SRBD1: variants seen among roughly 807,000 people sequenced by gnomAD.
SRBD1 encodes S1 RNA-binding domain-containing protein 1.
SRBD1 carries 88 observed loss-of-function variants against 115.3 expected under a neutral mutation model. The observed-to-expected ratio is 0.76, with a 90% confidence interval of 0.64 to 0.91. The LOEUF is 0.91. Ranked by LOEUF, SRBD1 falls within the 40% of genes least tolerant of loss-of-function variation. The pLI is 0.00. For synonymous variants in SRBD1, 509 were observed against 407.7 expected (o/e 1.25, Z -2.99); for missense variants, 1,385 against 1,177.4 (o/e 1.18, Z -2.58).
intron 16 of SRBD1, among the ~76,000 whole-genome samples, chr2:45,432,403 A>T (rs2103678840): frequency 6.6e-6 from 1 of 152,378 alleles, no homozygotes; most frequent in South Asian, 2.1e-4. Flanking sequence ...TACTGTTTCC[A>T]TAATAATGTC....
chr2:45,491,519 A>G (rs1331605026), intron 14 of SRBD1, among the ~76,000 whole-genome samples: 1 of 152,068 alleles, frequency 6.6e-6, no homozygotes, highest in Non-Finnish European at 1.5e-5. Context: ...TCAAATTGCT[A>G]TAGTTTAGAC....
At chr2:45,547,725 T>A (rs1023104944) in intron 12 of SRBD1, 113 bp from the exon 13 acceptor site, 8 of 793,618 alleles carry the variant, frequency 1.0e-5, no homozygotes, top group Non-Finnish European at 1.4e-5. Flanking sequence ...TTTTTTATAA[T>A]GAAGTCTGAA....
At chr2:45,462,639 C>A (rs1220476825) in intron 16 of SRBD1, among the ~76,000 whole-genome samples, 1 of 151,442 alleles carries the variant, frequency 6.6e-6, no homozygotes, top group African/African-American at 2.4e-5. Context: ...TGGTGAAACC[C>A]CGTCTGTACT....
intron 19 of SRBD1, among the ~76,000 whole-genome samples, chr2:45,398,434 G>T (rs559893167): frequency 6.6e-6 from 1 of 152,044 alleles, no homozygotes; most frequent in South Asian, 2.1e-4. Context: ...GTCTTCCAAA[G>T]GACTTGGTAT....
chr2:45,538,032 T>G (rs571717982), intron 14 of SRBD1, among the ~76,000 whole-genome samples: 21 of 152,132 alleles, frequency 1.4e-4, no homozygotes, highest in Non-Finnish European at 2.6e-4. Context: ...GGAAGAAGTG[T>G]ATGGTAGGCT....
intron 16 of SRBD1, among the ~76,000 whole-genome samples, chr2:45,435,885 G>A (rs1009406174): frequency 7.2e-5 from 11 of 152,100 alleles, no homozygotes; most frequent in South Asian, 4.1e-4. Flanking sequence ...AAATAGAAGC[G>A]GAGGGAATAC....
At chr2:45,547,494 A>G in intron 13 of SRBD1, 28 bp downstream of exon 13, 2 of 1,596,294 alleles carry the variant, frequency 1.3e-6, no homozygotes, top group Non-Finnish European at 1.7e-6. Context: ...AGCCACTGAT[A>G]TATTCAAAAG....
At chr2:45,478,254 T>G (rs980161892) in intron 15 of SRBD1, among the ~76,000 whole-genome samples, 4 of 152,204 alleles carry the variant, frequency 2.6e-5, no homozygotes, top group Admixed American at 6.5e-5. Flanking sequence ...CCTGTTTCCA[T>G]GTTAAGCTGT....
intron 16 of SRBD1, among the ~76,000 whole-genome samples, chr2:45,467,522 G>A (rs1023718183): frequency 3.3e-5 from 5 of 152,128 alleles, no homozygotes; most frequent in African/African-American, 1.2e-4. Flanking sequence ...AAATTTGGCA[G>A]TCTACAGGTT....
intron 1 of SRBD1, among the ~76,000 whole-genome samples, chr2:45,607,687 T>G (rs1459243930): frequency 6.6e-6 from 1 of 152,006 alleles, no homozygotes; most frequent in African/African-American, 2.4e-5. Context: ...GTGAAACGGG[T>G]TAGGGCTGTG....
At chr2:45,475,592 T>G (rs1219616878) in intron 16 of SRBD1, among the ~76,000 whole-genome samples, 2 of 152,244 alleles carry the variant, frequency 1.3e-5, no homozygotes, top group Admixed American at 1.3e-4. Context: ...TTCATAAATT[T>G]GGAATCTTCT....
intron 4 of SRBD1, among the ~76,000 whole-genome samples, chr2:45,586,559 T>G (rs533349356): frequency 3.2e-4 from 49 of 152,272 alleles, no homozygotes; most frequent in African/African-American, 1.1e-3. Context: ...TTTTTTTATT[T>G]TTTTGAGACA....
rs553664941 is a variant in SRBD1, at chr2:45,557,084, T to C, written c.1410-3354A>G. Among the ~76,000 whole-genome samples the C allele has an allele frequency of 9.3e-4, 142 of 152,212 alleles. 1 individual carries two copies. Among genetic ancestry groups the C allele is most frequent in the African/African-American group, 3.1e-3 (130 of 41,526 alleles). ...AGAAATTATAGCATATGTAAAAGCT[T>C]AGAGGCATGAAAAAGCACGGTAAAT... is the stretch of plus-strand genomic sequence containing the variant. On this transcript the variant is annotated intron_variant, in intron 10 of 20. Coordinates refer to ENST00000263736, the MANE Select transcript of SRBD1 (RefSeq NM_018079.5).
intron 16 of SRBD1, among the ~76,000 whole-genome samples, chr2:45,446,411 G>A (rs1332514964): frequency 1.3e-5 from 2 of 152,046 alleles, no homozygotes; most frequent in South Asian, 4.2e-4. Context: ...AGGAGAACAA[G>A]AGAAGAGGCA....
chr2:45,453,831 T>C (rs527535504), intron 16 of SRBD1, among the ~76,000 whole-genome samples: 3 of 151,930 alleles, frequency 2.0e-5, no homozygotes, highest in South Asian at 4.1e-4. Flanking sequence ...ATAAAATAAT[T>C]TGGAGACAAA....
intron 19 of SRBD1, among the ~76,000 whole-genome samples, chr2:45,394,814 T>C (rs1667098751): frequency 1.3e-5 from 2 of 152,358 alleles, no homozygotes; most frequent in East Asian, 3.9e-4. Context: ...CTCTTGAGAA[T>C]GTATTTTGGT....
At chr2:45,599,339 GAAGA>G (rs1674012227) in intron 4 of SRBD1, 106 bp downstream of exon 4, 5 of 1,441,762 alleles carry the variant, frequency 3.5e-6, no homozygotes, top group Non-Finnish European at 2.8e-6. Flanking sequence ...TGGCAAAACT[GAAGA>G]GAGAATTGAA....
At chr2:45,571,697 T>C (rs937589222) in intron 9 of SRBD1, among the ~76,000 whole-genome samples, 10 of 151,744 alleles carry the variant, frequency 6.6e-5, no homozygotes, top group African/African-American at 2.2e-4. Flanking sequence ...AGTTAGAAAT[T>C]ATAAAAAAGA....
chr2:45,608,528 T>C (rs1674343994), intron 1 of SRBD1, among the ~76,000 whole-genome samples: 1 of 152,208 alleles, frequency 6.6e-6, no homozygotes, highest in African/African-American at 2.4e-5. Context: ...CTTTGTGTCA[T>C]AAAACTTGTT....
Sources: gnomAD v4.1 joint callset for allele counts (sites outside exome capture counted in the v4.1 genomes callset) on GRCh38, gnomAD v4.1.1 for gene constraint, MANE v1.5 for transcripts, NCBI Gene and HGNC (gene_info 2026-07-23, HGNC 2026-07-21) for gene names.